Variants in TOM1L2 observed in about 807,000 individuals in gnomAD.
TOM1L2 encodes the protein TOM1-like protein 2.
TOM1L2 carries 31 observed loss-of-function variants against 67.9 expected under a neutral mutation model. The ratio of observed to expected loss-of-function variants is 0.46; its 90% CI spans 0.34 to 0.62. The LOEUF (loss-of-function observed/expected upper bound fraction) is 0.62, where lower values mean the gene tolerates loss of function less well. TOM1L2 is among the 20% of genes least tolerant of loss of function. The probability of loss-of-function intolerance (pLI) is 0.01; values close to 1 mark genes in which losing one functional copy is unlikely to be tolerated. For synonymous variants in TOM1L2, 256 were observed against 254.0 expected, an observed-to-expected ratio of 1.01 and a Z score of -0.07; for missense variants, 606 against 663.5, an observed-to-expected ratio of 0.91 and a Z score of 0.95.
intron 1 of TOM1L2, among the ~76,000 whole-genome samples, chr17:17,970,317 A>G (rs2042021447): frequency 6.6e-6 from 1 of 151,700 alleles, no homozygotes; most frequent in South Asian, 2.1e-4. Flanking sequence ...GCCCGCCTCA[A>G]CCTCCCAAAG....
Position 17,862,737 on chromosome 17 carries a change from C to T in TOM1L2, c.1196G>A (p.Arg399His), listed in dbSNP as rs770151031. 63 of 1,612,932 alleles carry T rather than the reference C, an allele frequency of 3.9e-5. No homozygotes were observed. The highest frequency in any genetic ancestry group is 1.9e-4 in the Middle Eastern group (1 of 5,280). Reference protein sequence around the residue: ...QTRGNSLAEQRKTVTYEDPQA... With the variant: ...QTRGNSLAEQHKTVTYEDPQA... ...TAAAAGGGGCCCCACATACGTCTTG[C>T]GCTGCTCAGCCAAGGAGTTTCCTCT... is the stretch of plus-strand genomic sequence containing the variant. The change falls in exon 11 of 15, where the codon CGC becomes CAC. Residue 399 changes from arginine (R) to histidine (H), a missense_variant. Physicochemically the swap from Arg to His is conservative, Grantham distance 29 (BLOSUM62 0). Coordinates refer to ENST00000379504, the MANE Select transcript of TOM1L2 (RefSeq NM_001082968.2).
intron 13 of TOM1L2, among the ~76,000 whole-genome samples, chr17:17,849,775 G>C (rs1050068321): frequency 6.6e-6 from 1 of 152,166 alleles, no homozygotes; most frequent in African/African-American, 2.4e-5. Flanking sequence ...TGGACCCTGG[G>C]GTCCCCCTTA....
intron 3 of TOM1L2, 24 bp from the exon 4 acceptor site, chr17:17,893,834 G>T (rs1343406580): frequency 6.2e-7 from 1 of 1,609,982 alleles, no homozygotes; most frequent in Non-Finnish European, 8.5e-7. Flanking sequence ...GGAAGGAAAA[G>T]GGTCACCCCA....
chr17:17,854,233 T>TA (rs1237891555), intron 12 of TOM1L2, among the ~76,000 whole-genome samples: 6 of 152,202 alleles, frequency 3.9e-5, no homozygotes, highest in Non-Finnish European at 5.9e-5. Flanking sequence ...ACTAAACATG[T>TA]ACACTGCTTG....
At chr17:17,971,576 T>C (rs2042087545) in intron 1 of TOM1L2, among the ~76,000 whole-genome samples, 1 of 151,954 alleles carries the variant, frequency 6.6e-6, no homozygotes, top group South Asian at 2.1e-4. Flanking sequence ...AGTCTGAGGG[T>C]TGCTGGTACC....
chr17:17,869,711 A>C, intron 7 of TOM1L2: 1 of 1,293,554 alleles, frequency 7.7e-7, no homozygotes, highest in Non-Finnish European at 9.9e-7. Context: ...TGTTGTATGT[A>C]TACAAGTACA....
At chr17:17,893,202 C>T (rs2038381757) in intron 4 of TOM1L2, among the ~76,000 whole-genome samples, 1 of 152,220 alleles carries the variant, frequency 6.6e-6, no homozygotes, top group Admixed American at 6.5e-5. Flanking sequence ...ACTGACTTTT[C>T]CACCAAACTC....
intron 2 of TOM1L2, among the ~76,000 whole-genome samples, chr17:17,901,263 G>C (rs1292571211): frequency 6.6e-6 from 1 of 152,204 alleles, no homozygotes; most frequent in Non-Finnish European, 1.5e-5. Flanking sequence ...AGATTAGATA[G>C]TGTGGAGTTG....
At chr17:17,915,746 G>A (rs1012484177) in intron 1 of TOM1L2, among the ~76,000 whole-genome samples, 10 of 151,826 alleles carry the variant, frequency 6.6e-5, no homozygotes, top group Non-Finnish European at 1.3e-4. Context: ...GATCTTGAAC[G>A]CCTGGCCTCA....
chr17:17,923,894 T>C (rs532238510), intron 1 of TOM1L2, among the ~76,000 whole-genome samples: 6 of 151,516 alleles, frequency 4.0e-5, no homozygotes, highest in Non-Finnish European at 7.4e-5. Context: ...TCTCAGCACT[T>C]TGGGAGGTCG....
intron 12 of TOM1L2, among the ~76,000 whole-genome samples, chr17:17,856,687 C>T (rs1316435137): frequency 6.6e-6 from 1 of 152,238 alleles, no homozygotes; most frequent in African/African-American, 2.4e-5. Flanking sequence ...CATCATCTTT[C>T]CTTCTCTGCA....
chr17:17,923,074 C>T (rs1440712822), intron 1 of TOM1L2, among the ~76,000 whole-genome samples: 1 of 152,146 alleles, frequency 6.6e-6, no homozygotes, highest in African/African-American at 2.4e-5. Context: ...CCAGAAGTTT[C>T]CCAGGGCTCA....
intron 11 of TOM1L2, 63 bp from the exon 12 acceptor site, chr17:17,861,614 G>T: frequency 7.1e-7 from 1 of 1,411,950 alleles, no homozygotes; most frequent in South Asian, 1.2e-5. Context: ...GAGGGATGGG[G>T]TAGTGGCCTG....
chr17:17,953,655 C>G (rs1204036199), intron 1 of TOM1L2, among the ~76,000 whole-genome samples: 1 of 152,214 alleles, frequency 6.6e-6, no homozygotes, highest in Admixed American at 6.5e-5. Flanking sequence ...ACCTCACTGA[C>G]CTGCCCCCAC....
chr17:17,848,081 TGGGGCAGGGTAA>T (rs2035749588), intron 14 of TOM1L2, among the ~76,000 whole-genome samples: 1 of 151,770 alleles, frequency 6.6e-6, no homozygotes, highest in African/African-American at 2.4e-5. Context: ...GCACTGGGGG[TGGGGCAGGGTAA>T]GCTGGAGGGG....
intron 1 of TOM1L2, among the ~76,000 whole-genome samples, chr17:17,911,363 CTTGGCCA>C (rs1388107158): frequency 2.0e-5 from 3 of 152,248 alleles, no homozygotes; most frequent in African/African-American, 7.2e-5. Flanking sequence ...CAGCCCAGTC[CTTGGCCA>C]TTAGCATATC....
intron 1 of TOM1L2, among the ~76,000 whole-genome samples, chr17:17,917,069 A>T (rs1274128112): frequency 6.6e-6 from 1 of 152,212 alleles, no homozygotes; most frequent in African/African-American, 2.4e-5. Context: ...CTGAGGCAGG[A>T]GAGTCACTTG....
intron 1 of TOM1L2, among the ~76,000 whole-genome samples, chr17:17,941,994 C>T (rs578004342): frequency 6.6e-6 from 1 of 152,172 alleles, no homozygotes; most frequent in Non-Finnish European, 1.5e-5. Flanking sequence ...CCCACAAAAA[C>T]GTAGCACAAA....
chr17:17,896,111 T>G (rs1347924112), intron 3 of TOM1L2, among the ~76,000 whole-genome samples: 1 of 151,970 alleles, frequency 6.6e-6, no homozygotes, highest in African/African-American at 2.4e-5. Flanking sequence ...CTGGTAACCG[T>G]GAGGTAATTG....
Sources: allele counts gnomAD v4.1 joint callset (sites outside exome capture counted in the v4.1 genomes callset), GRCh38; gene constraint gnomAD v4.1.1; transcripts MANE v1.5; gene names NCBI Gene and HGNC (gene_info 2026-07-23, HGNC 2026-07-21).